PASD1: variants seen among roughly 807,000 people sequenced by gnomAD.
PASD1 encodes the protein PAS domain containing repressor 1, also known as circadian clock protein PASD1.
In PASD1, 13 loss-of-function variants were observed where a neutral mutation model predicts 58.8. The ratio of observed to expected loss-of-function variants is 0.22; its 90% CI spans 0.14 to 0.35. The LOEUF is 0.35. Among genes scored for constraint, PASD1 ranks in the 10% least tolerant of loss-of-function variants. The probability of loss-of-function intolerance (pLI) is 1.00; values close to 1 mark genes in which losing one functional copy is unlikely to be tolerated. For missense variants in PASD1, 734 were observed against 568.3 expected (o/e 1.29, Z -2.96); for synonymous variants, 236 against 216.7 (o/e 1.09, Z -0.78).
intron 8 of PASD1, among the ~76,000 whole-genome samples, chrX:151,631,225 A>G (rs2013862586): frequency 9.0e-6 from 1 of 111,398 alleles, no homozygotes; most frequent in Non-Finnish European, 1.9e-5. Flanking sequence ...TAGATTTTAG[A>G]CTCATTGTAC....
chrX:151,583,678 T>A (rs2013127384), intron 1 of PASD1, among the ~76,000 whole-genome samples: 1 of 112,572 alleles, frequency 8.9e-6, no homozygotes, highest in African/African-American at 3.2e-5. Context: ...ATGATTGACT[T>A]CAATGCCTCT....
intron 7 of PASD1, among the ~76,000 whole-genome samples, chrX:151,624,983 C>T (rs1436375604): frequency 8.9e-6 from 1 of 112,000 alleles, no homozygotes; most frequent in Non-Finnish European, 1.9e-5. Context: ...GTAACTACTT[C>T]CTTTTCTGAG....
intron 11 of PASD1, among the ~76,000 whole-genome samples, chrX:151,669,005 T>C (rs2014426471): frequency 9.2e-6 from 1 of 108,145 alleles, no homozygotes; most frequent in African/African-American, 3.4e-5. Context: ...GCCTCCTGAG[T>C]ACCTGGGATT....
chrX:151,669,057 T>C (rs1004256172), intron 11 of PASD1, among the ~76,000 whole-genome samples: 1 of 108,961 alleles, frequency 9.2e-6, no homozygotes, highest in Non-Finnish European at 1.9e-5. Flanking sequence ...TCTTTTTTAT[T>C]ACTGTTTTTT....
At chrX:151,566,608 C>T (rs1007605675) in intron 1 of PASD1, among the ~76,000 whole-genome samples, 1 of 111,484 alleles carries the variant, frequency 9.0e-6, no homozygotes, top group African/African-American at 3.3e-5. Flanking sequence ...CAGGTTGATA[C>T]CCTTTATCCA....
At position 151,653,467 on chromosome X, in the gene PASD1, C is replaced by T. The variant is rs147928106; in HGVS notation, c.717+4765C>T. Among the ~76,000 whole-genome samples, 707 of 110,672 alleles carry T rather than the reference C, an allele frequency of 6.4e-3. 3 individuals are homozygous for T. Among genetic ancestry groups the T allele is most frequent in the African/African-American group, 0.021 (640 of 30,477 alleles). ...TCGGCCTCCCAAAGTGCTGGGATTACAGGTGTGAGCCACCGTGCCTGGCCT... is the reference window on the plus strand; with the variant it reads ...TCGGCCTCCCAAAGTGCTGGGATTATAGGTGTGAGCCACCGTGCCTGGCCT... On this transcript the variant is annotated intron_variant, in intron 9 of 15. Coordinates refer to ENST00000370357, the MANE Select transcript of PASD1 (RefSeq NM_173493.3).
chrX:151,618,654 CAAG>C (rs913438522), intron 4 of PASD1, among the ~76,000 whole-genome samples: 1 of 111,775 alleles, frequency 8.9e-6, no homozygotes, highest in Non-Finnish European at 1.9e-5. Context: ...AAGAGAATGT[CAAG>C]GAGTTGGTGC....
intron 1 of PASD1, among the ~76,000 whole-genome samples, chrX:151,589,186 A>G (rs1429256046): frequency 9.0e-6 from 1 of 111,096 alleles, no homozygotes; most frequent in Non-Finnish European, 1.9e-5. Context: ...GATCATTACC[A>G]CTACAGGGTT....
At chrX:151,567,682 C>G (rs569756205) in intron 1 of PASD1, among the ~76,000 whole-genome samples, 155 of 111,665 alleles carry the variant, frequency 1.4e-3, no homozygotes, top group South Asian at 1.9e-3. Flanking sequence ...GAAAGTCAGT[C>G]TCTTAAAAGA....
At chrX:151,646,514 A>G (rs1008109331) in intron 8 of PASD1, among the ~76,000 whole-genome samples, 12 of 112,465 alleles carry the variant, frequency 1.1e-4, no homozygotes, top group African/African-American at 3.2e-4. Context: ...TAAATTTTAA[A>G]TTGTATTTAA....
intron 8 of PASD1, among the ~76,000 whole-genome samples, chrX:151,627,602 C>T (rs2013805864): frequency 8.9e-6 from 1 of 111,886 alleles, no homozygotes; most frequent in Non-Finnish European, 1.9e-5. Context: ...TCCAGTCTAT[C>T]ATTGATGGAC....
intron 1 of PASD1, among the ~76,000 whole-genome samples, chrX:151,581,917 T>C (rs1357173389): frequency 9.1e-6 from 1 of 109,695 alleles, no homozygotes; most frequent in African/African-American, 3.3e-5. Flanking sequence ...GACAGGAAAA[T>C]TTCTCTAGGA....
chrX:151,634,996 T>G (rs182382958), intron 8 of PASD1, among the ~76,000 whole-genome samples: 1 of 112,018 alleles, frequency 8.9e-6, no homozygotes, highest in Non-Finnish European at 1.9e-5. Context: ...GGCATTTTGG[T>G]TAGGAAGTTT....
chrX:151,597,801 G>T (rs1482387817), intron 1 of PASD1, among the ~76,000 whole-genome samples: 1 of 111,847 alleles, frequency 8.9e-6, no homozygotes, highest in Non-Finnish European at 1.9e-5. Context: ...TGCGATCTCA[G>T]CTCACTGCAA....
At chrX:151,576,728 G>A (rs938584855) in intron 1 of PASD1, among the ~76,000 whole-genome samples, 4 of 111,904 alleles carry the variant, frequency 3.6e-5, no homozygotes, top group African/African-American at 1.3e-4. Context: ...TAGAACAGTT[G>A]CAAACAGAAA....
In PASD1 at chrX:151,657,644, T is replaced by C. The variant is rs188392458; in HGVS notation, c.718-2069T>C. 1.1e-3 allele frequency among the ~76,000 whole-genome samples: 125 copies of C among 111,728 alleles called. 1 individual carries two copies. Among genetic ancestry groups the C allele is most frequent in the Non-Finnish European group, 7.9e-4 (42 of 53,069 alleles). ...TCTTCTACATTTTCTAGTTTATTTGTGTAGAGGTGTTTATAGTATTCTCTG... is the reference window on the plus strand; with the variant it reads ...TCTTCTACATTTTCTAGTTTATTTGCGTAGAGGTGTTTATAGTATTCTCTG... On this transcript the variant is annotated intron_variant, in intron 9 of 15. Transcript: ENST00000370357.
chrX:151,637,364 T>C (rs1364391428), intron 8 of PASD1, among the ~76,000 whole-genome samples: 1 of 111,419 alleles, frequency 9.0e-6, no homozygotes, highest in Non-Finnish European at 1.9e-5. Context: ...ATGGGAGTTT[T>C]TGTTTGTTTT....
At chrX:151,583,668 A>G (rs1422868833) in intron 1 of PASD1, among the ~76,000 whole-genome samples, 2 of 112,430 alleles carry the variant, frequency 1.8e-5, no homozygotes, top group African/African-American at 3.2e-5. Context: ...TGGAGTTATA[A>G]TGATTGACTT....
chrX:151,635,269 AG>A (rs201485713), intron 8 of PASD1, among the ~76,000 whole-genome samples: 1,828 of 111,600 alleles, frequency 0.016, 15 homozygotes, highest in South Asian at 0.025. Context: ...GAGCAACTCC[AG>A]CTTCTTTAAT....
Sources: gnomAD v4.1 joint callset for allele counts (sites outside exome capture counted in the v4.1 genomes callset) on GRCh38, gnomAD v4.1.1 for gene constraint, MANE v1.5 for transcripts, NCBI Gene and HGNC (gene_info 2026-07-23, HGNC 2026-07-21) for gene names.